SERF2: variants seen among roughly 807,000 people sequenced by gnomAD.
SERF2 encodes the protein small EDRK-rich factor 2.
SERF2 carries 4 observed loss-of-function variants against 10.7 expected under a neutral mutation model. The ratio of observed to expected loss-of-function variants is 0.37; its 90% CI spans 0.18 to 0.86. The LOEUF is 0.86. Ranked by LOEUF, SERF2 falls within the 40% of genes least tolerant of loss-of-function variation. The pLI is 0.43. For synonymous variants in SERF2, 26 were observed against 26.0 expected (o/e 1.00, Z 0.01); for missense variants, 47 against 79.1 (o/e 0.59, Z 1.54).
At chr15:43,791,071 CTTA>C (rs999461775), upstream of SERF2, among the ~76,000 whole-genome samples, 1 of 146,834 alleles carries the variant, frequency 6.8e-6, no homozygotes, top group Non-Finnish European at 1.5e-5. Context: ...CCCAGCCTTT[CTTA>C]TTAACTCTTT....
chr15:43,792,969 C>T lies in SERF2; in HGVS notation c.8-6C>T, dbSNP rs774105823. 59 of 1,598,644 alleles carry T rather than the reference C, an allele frequency of 3.7e-5. No individual in the cohort carries two copies. The African/African-American group carries it at 5.2e-4, about 14-fold the overall frequency. ...CCGCGTCTCACCTTTAATTTTCTTTCCTTAGGCGGTAACCAGCGTGAGCTC... is the reference window on the plus strand; with the variant it reads ...CCGCGTCTCACCTTTAATTTTCTTTTCTTAGGCGGTAACCAGCGTGAGCTC... On this transcript the variant is annotated splice_region_variant and splice_polypyrimidine_tract_variant and intron_variant, in intron 1 of 2. Transcript: ENST00000249786.
At position 43,795,299 on chromosome 15, in the gene SERF2, ACC is replaced by A; in HGVS notation, c.*1528_*1529del. 6.3e-7 allele frequency: 1 copy of A among 1,590,072 alleles called. No homozygotes were observed. Among genetic ancestry groups the A allele is most frequent in the Non-Finnish European group, 8.6e-7 (1 of 1,159,082 alleles). On this transcript the variant is annotated 3_prime_UTR_variant, in exon 3 of 3. Transcript: ENST00000249786. Reference sequence around the variant, plus strand: ...ACCTCCTCACCAAATATAATGGCAGACCCATGTGTGTCTGGAATGGCCTTGAA... The same window carrying A: ...ACCTCCTCACCAAATATAATGGCAGACATGTGTGTCTGGAATGGCCTTGAA...
intron 1 of SERF2, among the ~76,000 whole-genome samples, chr15:43,784,427 A>C (rs1378924862): frequency 6.9e-6 from 1 of 145,570 alleles, no homozygotes; most frequent in Non-Finnish European, 1.5e-5. Flanking sequence ...GCACTCTGTG[A>C]CCTCCCTCTA....
At chr15:43,777,107 C>A (rs1239463256) in exon 1 of SERF2, 9 of 808,882 alleles carry the variant, frequency 1.1e-5, no homozygotes, top group Middle Eastern at 2.2e-4. Context: ...CCCGGCCAAC[C>A]GCCCGGACCT....
At chr15:43,777,961 T>A (rs2086934198) in intron 1 of SERF2, 1 of 117,370 alleles carries the variant, frequency 8.5e-6, no homozygotes, top group Non-Finnish European at 1.7e-5. Context: ...AAAAAAAAAA[T>A]ACATTTTTTT....
intron 2 of SERF2, among the ~76,000 whole-genome samples, chr15:43,786,591 T>G (rs2087009433): frequency 6.6e-6 from 1 of 152,158 alleles, no homozygotes; most frequent in Non-Finnish European, 1.5e-5. Context: ...GTGTGTTTGA[T>G]TAAAAGTATT....
chr15:43,783,473 T>C (rs2141669230), intron 1 of SERF2, among the ~76,000 whole-genome samples: 1 of 151,720 alleles, frequency 6.6e-6, no homozygotes, highest in South Asian at 2.1e-4. Flanking sequence ...AATTTTTGTA[T>C]ATTCTTTTAG....
Position 43,793,402 on chromosome 15 carries a change from C to G in SERF2, c.117-308C>G, listed in dbSNP as rs1567167999. ...AGCCCAGTACTTTTGGCCCTCCTTGCTGTTCGGTTCTCCTCCCTTCTCCCA... is the reference window on the plus strand; with the variant it reads ...AGCCCAGTACTTTTGGCCCTCCTTGGTGTTCGGTTCTCCTCCCTTCTCCCA... On this transcript the variant is annotated intron_variant, in intron 2 of 2. Transcript: ENST00000249786. 5 of 642,070 alleles carry G rather than the reference C, an allele frequency of 7.8e-6. No individual in the cohort carries two copies. The East Asian group carries it at 1.1e-4, about 14-fold the overall frequency. The allele number at this position is 642,070 out of a possible 1,614,324, so 39.8% of individuals were successfully genotyped here.
chr15:43,795,902 G>GT lies in SERF2; in HGVS notation c.*2132dup. On this transcript the variant is annotated 3_prime_UTR_variant, in exon 3 of 3. Transcript: ENST00000249786. ...GTGGCTGTGCAGACTTTGGTAAGAT[G>GT]TTTAATCTTTTGTGCCTCGATTTCT... The GT allele has an allele frequency of 1.4e-6, 1 of 703,364 alleles. No individual in the cohort carries two copies. The highest frequency in any genetic ancestry group is 2.4e-6 in the Non-Finnish European group (1 of 425,450). 43.6% of individuals were successfully genotyped at this position (703,364 alleles called of 1,614,324 possible).
At chr15:43,793,552 G>C (rs755284896) in intron 2 of SERF2, 158 bp from the exon 3 acceptor site, 1 of 1,504,426 alleles carries the variant, frequency 6.6e-7, no homozygotes, top group Non-Finnish European at 8.9e-7. Flanking sequence ...TTGAGCCTCA[G>C]CTCTCTTCCT....
chr15:43,786,376 C>T (rs976747384), intron 2 of SERF2, among the ~76,000 whole-genome samples: 18 of 145,132 alleles, frequency 1.2e-4, no homozygotes, highest in Admixed American at 4.9e-4. Flanking sequence ...GATTATGCCA[C>T]TGCACTCCAG....
chr15:43,793,803 C>A lies in SERF2; in HGVS notation c.*30C>A. On this transcript the variant is annotated 3_prime_UTR_variant, in exon 3 of 3. Coordinates refer to ENST00000249786, the MANE Select transcript of SERF2 (RefSeq NM_001018108.4). ...GTGGCTTCGTGTCCAACCCTCTTGC[C>A]CTTCGCCTGTGTGCCTGGAGCCAGT... 1.9e-6 allele frequency: 3 copies of A among 1,614,058 alleles called. No homozygotes were observed. The highest frequency in any genetic ancestry group is 2.2e-5 in the East Asian group (1 of 44,888).
upstream of SERF2, among the ~76,000 whole-genome samples, chr15:43,788,823 ACCTCCAAAGGTCAT>A (rs1260885322): frequency 5.3e-5 from 8 of 152,022 alleles, no homozygotes; most frequent in Non-Finnish European, 1.0e-4. Flanking sequence ...GGATAATGAC[ACCTCCAAAGGTCAT>A]CGTAAGGCTC....
At chr15:43,789,899 G>A (rs558904634), upstream of SERF2, among the ~76,000 whole-genome samples, 9 of 152,202 alleles carry the variant, frequency 5.9e-5, 1 homozygote, top group South Asian at 1.9e-3. Context: ...CCAGCACTGT[G>A]GGAGGCCGAG....
At chr15:43,787,100 C>T (rs1463125923) in intron 2 of SERF2, among the ~76,000 whole-genome samples, 2 of 150,904 alleles carry the variant, frequency 1.3e-5, no homozygotes, top group Non-Finnish European at 1.5e-5. Context: ...CCTGGGTTCA[C>T]GCCATTCTCC....
chr15:43,785,697 T>C (rs1052507591), intron 2 of SERF2, among the ~76,000 whole-genome samples: 1 of 147,392 alleles, frequency 6.8e-6, no homozygotes, highest in Non-Finnish European at 1.5e-5. Flanking sequence ...GACTGAATTT[T>C]CTTTTTCTTT....
chr15:43,781,682 A>T (rs942160679), intron 1 of SERF2, among the ~76,000 whole-genome samples: 2 of 145,792 alleles, frequency 1.4e-5, no homozygotes, highest in African/African-American at 5.2e-5. Context: ...ACCTCTGCCT[A>T]CTGGGTTCAA....
At chr15:43,792,669 C>T (rs1428734756) in intron 1 of SERF2, 3 of 1,317,224 alleles carry the variant, frequency 2.3e-6, no homozygotes, top group Non-Finnish European at 2.0e-6. Flanking sequence ...CACAAGCCAG[C>T]CCATCCCCCA....
upstream of SERF2, chr15:43,792,125 C>G (rs1022376853): frequency 4.1e-5 from 24 of 585,030 alleles, no homozygotes; most frequent in Non-Finnish European, 6.8e-5. Context: ...AGGCCCGTCC[C>G]TACGTCTCAC....
Sources: allele counts gnomAD v4.1 joint callset (sites outside exome capture counted in the v4.1 genomes callset), GRCh38; gene constraint gnomAD v4.1.1; transcripts MANE v1.5; gene names NCBI Gene and HGNC (gene_info 2026-07-23, HGNC 2026-07-21).